Variants in DPP10 observed in about 807,000 individuals in gnomAD.
The protein encoded by DPP10 is inactive dipeptidyl peptidase 10.
In DPP10, 33 loss-of-function variants were observed where a neutral mutation model predicts 120.9. The observed-to-expected ratio is 0.27, with a 90% CI of 0.21 to 0.37. The LOEUF (loss-of-function observed/expected upper bound fraction) is 0.37. Ranked by LOEUF, DPP10 falls within the 10% of genes least tolerant of loss-of-function variation. DPP10 has a pLI of 1.00. For missense variants in DPP10, 816 were observed against 942.8 expected, an observed-to-expected ratio of 0.87 and a Z score of 1.76; for synonymous variants, 337 against 326.1, an observed-to-expected ratio of 1.03 and a Z score of -0.36.
In DPP10 at chr2:115,276,340, A is replaced by G. The variant is rs569474414; in HGVS notation, c.61-32899A>G. On this transcript the variant is annotated intron_variant, in intron 1 of 25. Coordinates refer to ENST00000410059, the MANE Select transcript of DPP10 (RefSeq NM_020868.6). The stretch of plus-strand genomic sequence containing the variant: ...ATTTGTAAATAGCCTGTAGAGAATC[A>G]AAGGCCAGAATATACTCTCTTTTCT... Among the ~76,000 whole-genome samples, 24 of 152,310 alleles carry G rather than the reference A, an allele frequency of 1.6e-4. No homozygotes were observed. The South Asian group carries it at 5.0e-3, about 32-fold the overall frequency.
chr2:114,694,938 A>C (rs1346932677), intron 1 of DPP10, among the ~76,000 whole-genome samples: 1 of 152,028 alleles, frequency 6.6e-6, no homozygotes, highest in Non-Finnish European at 1.5e-5. Context: ...ACTACATGAT[A>C]TTTAATTTGG....
intron 21 of DPP10, among the ~76,000 whole-genome samples, chr2:115,820,815 G>T (rs1237331000): frequency 2.0e-5 from 3 of 151,282 alleles, no homozygotes; most frequent in Non-Finnish European, 4.4e-5. Flanking sequence ...GTGTGTGTGT[G>T]TGTGTGTGTG....
chr2:114,464,204 G>C (rs1558781093), intron 1 of DPP10, among the ~76,000 whole-genome samples: 1 of 152,126 alleles, frequency 6.6e-6, no homozygotes, highest in South Asian at 2.1e-4. Flanking sequence ...TTTCGAAGTG[G>C]CTATACCATT....
intron 1 of DPP10, among the ~76,000 whole-genome samples, chr2:115,196,899 T>C (rs1258607786): frequency 6.6e-6 from 1 of 152,190 alleles, no homozygotes; most frequent in Admixed American, 6.5e-5. Context: ...TATAGCCATA[T>C]ACTAGAATAA....
At chr2:114,984,774 C>G (rs1216138244) in intron 1 of DPP10, among the ~76,000 whole-genome samples, 2 of 152,102 alleles carry the variant, frequency 1.3e-5, no homozygotes, top group African/African-American at 4.8e-5. Context: ...CTTTAGGAAG[C>G]CTTGAGGTTC....
intron 1 of DPP10, among the ~76,000 whole-genome samples, chr2:114,573,180 G>T (rs1689790457): frequency 6.6e-6 from 1 of 152,114 alleles, no homozygotes; most frequent in Non-Finnish European, 1.5e-5. Flanking sequence ...ACAGCATCTT[G>T]CTTATGTTGT....
intron 1 of DPP10, among the ~76,000 whole-genome samples, chr2:114,450,513 AC>A (rs1050868350): frequency 1.3e-5 from 2 of 152,230 alleles, no homozygotes; most frequent in Admixed American, 6.5e-5. Context: ...AAATAAAAGA[AC>A]AAAAAGAACA....
intron 1 of DPP10, among the ~76,000 whole-genome samples, chr2:114,764,284 C>CTTTTTTTTTTTTT (rs201499611): frequency 7.9e-6 from 1 of 126,060 alleles, no homozygotes. Flanking sequence ...CTTAAATTGC[C>CTTTTTTTTTTTTT]TTTTTTTTTT....
intron 1 of DPP10, among the ~76,000 whole-genome samples, chr2:114,540,301 T>C (rs1686853460): frequency 6.6e-6 from 1 of 152,202 alleles, no homozygotes; most frequent in African/African-American, 2.4e-5. Context: ...TATGTATAAT[T>C]AGAACTGTCA....
In DPP10 at chr2:115,817,200, T is replaced by G. The variant is rs944312976; in HGVS notation, c.1950+1471T>G. Among the ~76,000 whole-genome samples the G allele has an allele frequency of 2.0e-5, 3 of 151,590 alleles. No individual in the cohort carries two copies. In the South Asian group the frequency reaches 6.2e-4, roughly 32 times the overall value. On this transcript the variant is annotated intron_variant, in intron 21 of 25. Transcript: ENST00000410059. ...AGGCAGAGTTTGAAGTGAGCCGAGATCGAGCCACCGCACTCCAGCCTGGGC... is the reference window on the plus strand; with the variant it reads ...AGGCAGAGTTTGAAGTGAGCCGAGAGCGAGCCACCGCACTCCAGCCTGGGC...
intron 5 of DPP10, chr2:115,580,283 T>C (rs951594869): frequency 3.3e-5 from 5 of 152,222 alleles, no homozygotes; most frequent in Admixed American, 3.3e-4. Flanking sequence ...TAGAGTGTAA[T>C]ATATCCACTT....
chr2:115,192,262 G>A (rs2054935589), intron 1 of DPP10, among the ~76,000 whole-genome samples: 1 of 152,216 alleles, frequency 6.6e-6, no homozygotes, highest in South Asian at 2.1e-4. Flanking sequence ...CAATGAGTAA[G>A]GTGGTCTACT....
intron 3 of DPP10, among the ~76,000 whole-genome samples, chr2:115,471,057 A>G (rs1174445264): frequency 6.6e-6 from 1 of 152,154 alleles, no homozygotes; most frequent in Non-Finnish European, 1.5e-5. Context: ...TCTATCCATA[A>G]TGATAATAGA....
intron 1 of DPP10, among the ~76,000 whole-genome samples, chr2:114,886,332 C>G (rs1692064525): frequency 6.6e-6 from 1 of 152,174 alleles, no homozygotes; most frequent in African/African-American, 2.4e-5. Flanking sequence ...ATGTCAGACA[C>G]AACACTGGCA....
At chr2:115,421,945 C>A (rs2070012476) in intron 3 of DPP10, among the ~76,000 whole-genome samples, 1 of 144,202 alleles carries the variant, frequency 6.9e-6, no homozygotes, top group East Asian at 2.2e-4. Flanking sequence ...AACTTTCCTT[C>A]TGTCTCTAAA....
intron 1 of DPP10, among the ~76,000 whole-genome samples, chr2:115,092,522 C>A (rs182181397): frequency 1.6e-4 from 24 of 152,172 alleles, no homozygotes; most frequent in African/African-American, 5.8e-4. Context: ...GTACCAGTTC[C>A]CATCTCCTAC....
rs531442218 is a variant in DPP10 at position 115,652,577 on chromosome 2, A to G, written c.442-37110A>G. On this transcript the variant is annotated intron_variant, in intron 5 of 25. Transcript: ENST00000410059. ...GTAGTTGGCAAGCTGGAGACTCAGG[A>G]GAGCCGATGGTACAGTTCTAGTGTG... Among the ~76,000 whole-genome samples the G allele has an allele frequency of 3.3e-5, 5 of 151,944 alleles. No homozygotes were observed. In the East Asian group the frequency reaches 9.7e-4, roughly 29 times the overall value.
At chr2:114,799,970 T>C (rs35377117) in intron 1 of DPP10, among the ~76,000 whole-genome samples, 9,254 of 152,274 alleles carry the variant, frequency 0.061, 316 homozygotes, top group South Asian at 0.1. Flanking sequence ...AAACCTTGAA[T>C]ATGAGGAATG....
At chr2:115,648,574 T>A (rs186322701) in intron 5 of DPP10, among the ~76,000 whole-genome samples, 1 of 151,996 alleles carries the variant, frequency 6.6e-6, no homozygotes, top group Admixed American at 6.6e-5. Context: ...TTTACCCATG[T>A]AACAAACCTG....
Sources: allele counts gnomAD v4.1 joint callset (sites outside exome capture counted in the v4.1 genomes callset), GRCh38; gene constraint gnomAD v4.1.1; transcripts MANE v1.5; gene names NCBI Gene and HGNC (gene_info 2026-07-23, HGNC 2026-07-21).